Variants in ANKS1B observed in about 807,000 individuals in gnomAD.
ANKS1B encodes the protein ankyrin repeat and sterile alpha motif domain-containing protein 1B.
A neutral mutation model predicts 148.3 loss-of-function variants in ANKS1B; 36 were observed. The ratio of observed to expected loss-of-function variants is 0.24; its 90% CI spans 0.19 to 0.32. ANKS1B has a LOEUF of 0.32. Ranked by LOEUF, ANKS1B falls within the 10% of genes least tolerant of loss-of-function variation. ANKS1B has a pLI of 1.00. For synonymous variants in ANKS1B, 542 were observed against 560.8 expected (o/e 0.97, Z 0.47); for missense variants, 1,157 against 1,542.6 (o/e 0.75, Z 4.19).
rs2057826482 is a variant in ANKS1B, at chr12:99,719,437, A to T, written c.1128+53485T>A. Among the ~76,000 whole-genome samples the T allele has an allele frequency of 2.0e-5, 3 of 151,860 alleles. No homozygotes were observed. The South Asian group carries it at 6.2e-4, about 32-fold the overall frequency. On this transcript the variant is annotated intron_variant, in intron 8 of 26. Coordinates refer to ENST00000683438, the MANE Select transcript of ANKS1B (RefSeq NM_001352186.2). ...CACCTGACATTCACTCCATTTTCCC[A>T]TATTCTTTCATGTTCCTCACCCTGA...
intron 15 of ANKS1B, among the ~76,000 whole-genome samples, chr12:99,091,850 A>G (rs1160355015): frequency 6.6e-6 from 1 of 152,166 alleles, no homozygotes; most frequent in African/African-American, 2.4e-5. Flanking sequence ...AGACTTTCTC[A>G]AGACTTACCC....
At chr12:99,801,349 A>G (rs911029679) in intron 4 of ANKS1B, among the ~76,000 whole-genome samples, 12 of 152,198 alleles carry the variant, frequency 7.9e-5, no homozygotes, top group African/African-American at 2.7e-4. Context: ...AATGAAAACC[A>G]AAAGACAGTC....
downstream of ANKS1B, among the ~76,000 whole-genome samples, chr12:98,742,672 C>G (rs2097809644): frequency 6.6e-6 from 1 of 152,240 alleles, no homozygotes; most frequent in African/African-American, 2.4e-5. Context: ...CTAACAGAGT[C>G]ACAATATGCA....
At chr12:99,658,938 T>C (rs193020879) in intron 8 of ANKS1B, among the ~76,000 whole-genome samples, 1 of 152,340 alleles carries the variant, frequency 6.6e-6, no homozygotes, top group Non-Finnish European at 1.5e-5. Context: ...TCCTACAATG[T>C]GTTGTGCATA....
rs2099003055 is a variant in ANKS1B, at chr12:98,801,280, T to C, written c.3142-155A>G. Among the ~76,000 whole-genome samples the C allele has an allele frequency of 6.6e-6, 1 of 152,260 alleles. No individual in the cohort carries two copies. Among genetic ancestry groups the C allele is most frequent in the South Asian group, 2.1e-4 (1 of 4,830 alleles). ...TATAAATACTTGGTTATTACATTTTTATATGTATTAGCATATCTCTCAAGG... is the reference window on the plus strand; with the variant it reads ...TATAAATACTTGGTTATTACATTTTCATATGTATTAGCATATCTCTCAAGG... On this transcript the variant is annotated intron_variant, in intron 20 of 26. Coordinates refer to ENST00000683438, the MANE Select transcript of ANKS1B (RefSeq NM_001352186.2). This position sits in a 1 kb window ranked among gnomAD's most constrained non-coding sequence, Gnocchi z 5.2.
intron 1 of ANKS1B, among the ~76,000 whole-genome samples, chr12:99,864,534 C>G (rs2090482966): frequency 6.6e-6 from 1 of 152,034 alleles, no homozygotes; most frequent in Non-Finnish European, 1.5e-5. Context: ...GTGATAGGGA[C>G]TGTGCTAGAT....
rs555262112 is a variant in ANKS1B, at chr12:99,578,884, A to G, written c.1273-74243T>C. ...TATCTGGAACCAAAAATGAAGTCAA[A>G]TAGCCAAAACAATCCTAAACAAAAA... On this transcript the variant is annotated intron_variant, in intron 9 of 26. Transcript: ENST00000683438. Among the ~76,000 whole-genome samples, 13 of 152,316 alleles carry G rather than the reference A, an allele frequency of 8.5e-5. No individual in the cohort carries two copies. The East Asian group carries it at 2.5e-3, about 29-fold the overall frequency.
At chr12:98,958,773 GTTTAA>G (rs1189736338) in intron 17 of ANKS1B, among the ~76,000 whole-genome samples, 1 of 152,120 alleles carries the variant, frequency 6.6e-6, no homozygotes, top group East Asian at 1.9e-4. Flanking sequence ...CTGCTTATGT[GTTTAA>G]TTTATTTAAA....
chr12:99,619,862 A>G (rs1289112133), intron 9 of ANKS1B, among the ~76,000 whole-genome samples: 1 of 152,120 alleles, frequency 6.6e-6, no homozygotes, highest in Non-Finnish European at 1.5e-5. Flanking sequence ...TGTGCCTGCC[A>G]TTGGAGGACC....
intron 1 of ANKS1B, among the ~76,000 whole-genome samples, chr12:99,904,450 C>T (rs2093710357): frequency 6.6e-6 from 1 of 152,176 alleles, no homozygotes. Context: ...CCTCAGCCTC[C>T]CACACTGCTG....
Position 98,829,469 on chromosome 12 carries a change from C to G in ANKS1B, c.2887-116G>C. On this transcript the variant is annotated intron_variant, in intron 18 of 26. Transcript: ENST00000683438. This position sits in a 1 kb window ranked among gnomAD's most constrained non-coding sequence, Gnocchi z 5.2. ...GGGTGGGGAGTCGCTTTTGAAGCAA[C>G]AGCCAAGGAATGAATGACATTCCAC... is the stretch of plus-strand genomic sequence containing the variant. The G allele has an allele frequency of 1.1e-6, 1 of 934,962 alleles. No individual in the cohort carries two copies. The highest frequency in any genetic ancestry group is 1.6e-6 in the Non-Finnish European group (1 of 621,222). The allele number at this position is 934,962 out of a possible 1,614,324, so 57.9% of individuals were successfully genotyped here.
rs573807606 is a variant in ANKS1B at position 99,901,371 on chromosome 12, T to C, written c.135-75982A>G. Among the ~76,000 whole-genome samples, 40 of 152,360 alleles carry C rather than the reference T, an allele frequency of 2.6e-4. No homozygotes were observed. In the East Asian group the frequency reaches 5.0e-3, roughly 19 times the overall value. On this transcript the variant is annotated intron_variant, in intron 1 of 26. Coordinates refer to ENST00000683438, the MANE Select transcript of ANKS1B (RefSeq NM_001352186.2). The stretch of plus-strand genomic sequence containing the variant: ...ATTTAGCAATTATCTCAACGCCAGC[T>C]GTCCCCACAATTTCGTTTCAAATTT...
intron 17 of ANKS1B, among the ~76,000 whole-genome samples, chr12:99,026,913 G>T (rs1173132246): frequency 6.6e-6 from 1 of 152,188 alleles, no homozygotes; most frequent in East Asian, 1.9e-4. Flanking sequence ...CTAGGAAAAT[G>T]TGCATTGTAT....
intron 16 of ANKS1B, among the ~76,000 whole-genome samples, chr12:99,054,497 C>T (rs1021445568): frequency 3.3e-5 from 5 of 152,096 alleles, no homozygotes; most frequent in African/African-American, 1.2e-4. Context: ...AGTTGTTCCG[C>T]TCCCCATTCT....
At chr12:99,126,686 T>A (rs539177524) in intron 15 of ANKS1B, among the ~76,000 whole-genome samples, 7 of 152,360 alleles carry the variant, frequency 4.6e-5, no homozygotes, top group East Asian at 1.9e-4. Context: ...ATTTATTTTT[T>A]AATTTTCTTT....
intron 17 of ANKS1B, among the ~76,000 whole-genome samples, chr12:98,919,823 G>C (rs761705501): frequency 1.2e-4 from 19 of 152,134 alleles, no homozygotes; most frequent in Non-Finnish European, 2.8e-4. Context: ...CCAAAAATAT[G>C]CAATTGTTAG....
Position 99,246,455 on chromosome 12 carries a change from C to A in ANKS1B, c.2166G>T (p.Leu722Phe). ...AATGCATGTCGATCAAGGCTTTAGG[C>A]AATGACCTTATTCTCCCCAGAGTAC... ...RACTLGRIRS[L>F]PKALIDMHLS... The change falls in exon 13 of 27, where the codon TTG becomes TTT. Residue 722 changes from leucine to phenylalanine, a missense_variant. Leu to Phe is a conservative substitution (Grantham distance 22). This residue lies in a region of ANKS1B where 661 missense variants were observed against 642.1 expected (regional missense o/e 1.03). Coordinates refer to ENST00000683438, the MANE Select transcript of ANKS1B (RefSeq NM_001352186.2). 1 of 1,613,790 alleles carries A rather than the reference C, an allele frequency of 6.2e-7. No individual in the cohort carries two copies. Among genetic ancestry groups the A allele is most frequent in the Non-Finnish European group, 8.5e-7 (1 of 1,179,818 alleles).
intron 1 of ANKS1B, among the ~76,000 whole-genome samples, chr12:99,973,554 C>T (rs937417717): frequency 6.6e-6 from 1 of 152,128 alleles, no homozygotes; most frequent in Non-Finnish European, 1.5e-5. Context: ...GCACTCCAGG[C>T]CTGGGTGACA....
intron 9 of ANKS1B, among the ~76,000 whole-genome samples, chr12:99,532,782 C>G (rs1374015620): frequency 6.6e-6 from 1 of 152,168 alleles, no homozygotes; most frequent in African/African-American, 2.4e-5. Context: ...AATAGGATGT[C>G]CTTTCCCCAG....
Sources: gnomAD v4.1 joint callset for allele counts (sites outside exome capture counted in the v4.1 genomes callset) on GRCh38, gnomAD v4.1.1 for gene constraint, gnomAD v4.1.1 regional missense constraint, Gnocchi (gnomAD v3.1) non-coding constraint, MANE v1.5 for transcripts, NCBI Gene and HGNC (gene_info 2026-07-23, HGNC 2026-07-21) for gene names.